Variants in ZDHHC1 observed in about 807,000 individuals in gnomAD.
ZDHHC1 encodes zDHHC palmitoyltransferase 1.
In ZDHHC1, 45 loss-of-function variants were observed where a neutral mutation model predicts 46.9. The ratio of observed to expected loss-of-function variants is 0.96; its 90% CI spans 0.76 to 1.23. ZDHHC1 has a LOEUF of 1.23. Among genes scored for constraint, ZDHHC1 ranks in the 50% most tolerant of loss-of-function variants. The pLI is 0.00. For missense variants in ZDHHC1, 649 were observed against 670.8 expected (o/e 0.97, Z 0.36); for synonymous variants, 291 against 286.0 (o/e 1.02, Z -0.18).
Position 67,401,236 on chromosome 16 carries a change from C to A in ZDHHC1, c.253-104G>T. 1 of 1,470,154 alleles carries A rather than the reference C, an allele frequency of 6.8e-7. No homozygotes were observed. The highest frequency in any genetic ancestry group is 9.1e-7 in the Non-Finnish European group (1 of 1,098,306). 91.1% of individuals were successfully genotyped at this position (1,470,154 alleles called of 1,614,324 possible). On this transcript the variant is annotated intron_variant, in intron 3 of 11. Transcript: ENST00000565726. This position sits in a 1 kb window ranked among gnomAD's most constrained non-coding sequence, Gnocchi z 4.6. ...CACTGCCATGCCAGCCCGCTTTGTG[C>A]AGATTCTCTGCCTCTGCCACCTCCT...
Position 67,401,976 on chromosome 16 carries a change from C to T in ZDHHC1, c.253-844G>A, listed in dbSNP as rs12446024. Among the ~76,000 whole-genome samples the T allele has an allele frequency of 1.5e-3, 232 of 152,338 alleles. 1 individual carries two copies. Among genetic ancestry groups the T allele is most frequent in the African/African-American group, 5.5e-3 (227 of 41,584 alleles). On this transcript the variant is annotated intron_variant, in intron 3 of 11. Coordinates refer to ENST00000565726, the MANE Select transcript of ZDHHC1 (RefSeq NM_001323627.2). This position sits in a 1 kb window ranked among gnomAD's most constrained non-coding sequence, Gnocchi z 4.6. ...CTTGCTAGCCAGGCAGACATCATCC[C>T]TCCATCATTCATGCTCTACCCATCA...
At chr16:67,395,718 TG>T (rs2040418730) in intron 8 of ZDHHC1, 152 bp from the exon 9 acceptor site, 1 of 756,606 alleles carries the variant, frequency 1.3e-6, no homozygotes, top group African/African-American at 1.7e-5. Context: ...AAACCCCATC[TG>T]TAGGGTAAGG....
chr16:67,399,605 T>C, intron 4 of ZDHHC1, 149 bp from the exon 5 acceptor site: 1 of 596,866 alleles, frequency 1.7e-6, no homozygotes, highest in South Asian at 2.4e-5. Context: ...GCGCGCGCCC[T>C]CTGCAGGCGC....
chr16:67,409,799 A>G (rs1320752817), intron 1 of ZDHHC1, among the ~76,000 whole-genome samples: 1 of 152,170 alleles, frequency 6.6e-6, no homozygotes, highest in Non-Finnish European at 1.5e-5. Flanking sequence ...GTCAGCACTT[A>G]TCGGAGCCCA....
At position 67,401,100 on chromosome 16, in the gene ZDHHC1, C is replaced by A; in HGVS notation, c.285G>T (p.Val95=). Residue 95 remains valine (V), a synonymous_variant, in exon 4 of 12, where the codon GTG becomes GTT. Coordinates refer to ENST00000565726, the MANE Select transcript of ZDHHC1 (RefSeq NM_001323627.2). The surrounding 1 kb of genome is among the most constrained non-coding windows in gnomAD (Gnocchi z 4.6). ...CMGAIFAGHL[V]VHLTAVSIDP... is the part of the protein sequence containing the mutation. ...CGATGGAGACGGCGGTCAGGTGCAC[C>A]ACAAGGTGGCCAGCAAAGATGGCGC... The A allele has an allele frequency of 6.2e-7, 1 of 1,614,070 alleles. No individual in the cohort carries two copies. Among genetic ancestry groups the A allele is most frequent in the Non-Finnish European group, 8.5e-7 (1 of 1,180,024 alleles).
At chr16:67,410,224 C>A (rs918955743) in intron 1 of ZDHHC1, among the ~76,000 whole-genome samples, 5 of 152,166 alleles carry the variant, frequency 3.3e-5, no homozygotes, top group African/African-American at 1.2e-4. Context: ...AGCGGCACCA[C>A]AGTGGCCCAG....
chr16:67,414,405 G>A (rs1020443079), intron 1 of ZDHHC1, among the ~76,000 whole-genome samples: 3 of 152,026 alleles, frequency 2.0e-5, no homozygotes, highest in East Asian at 1.9e-4. Context: ...CCCCTCACCC[G>A]TGTCTGAACC....
rs912025145 is a variant in ZDHHC1, at chr16:67,416,427, C to T, written c.-295G>A. 2.1e-5 allele frequency: 4 copies of T among 193,716 alleles called. No homozygotes were observed. The highest frequency in any genetic ancestry group is 2.3e-3 in the Middle Eastern group (1 of 430). 12.0% of individuals were successfully genotyped at this position (193,716 alleles called of 1,614,324 possible). A position where few individuals can be genotyped will look rare whatever the true frequency, so the allele number is the denominator to read the frequency against. On this transcript the variant is annotated 5_prime_UTR_variant, in exon 1 of 12. Transcript: ENST00000565726. ...CGGCTCCGGCTCCGGCTCCAGCAGGCTGGAGGGGCGGCCAGGCCAGACCCA... is the reference window on the plus strand; with the variant it reads ...CGGCTCCGGCTCCGGCTCCAGCAGGTTGGAGGGGCGGCCAGGCCAGACCCA...
intron 3 of ZDHHC1, chr16:67,404,619 CCT>C (rs917615779): frequency 8.9e-6 from 4 of 449,168 alleles, no homozygotes; most frequent in African/African-American, 6.0e-5. Context: ...TCAACCCGCC[CCT>C]CTCAGGACAG....
intron 1 of ZDHHC1, among the ~76,000 whole-genome samples, chr16:67,410,520 G>C (rs2040733215): frequency 6.6e-6 from 1 of 152,134 alleles, no homozygotes; most frequent in South Asian, 2.1e-4. Context: ...GGCTGTGGAG[G>C]CCCCTCCCTT....
chr16:67,399,053 A>T, intron 5 of ZDHHC1, 109 bp from the exon 6 acceptor site: 4 of 1,411,558 alleles, frequency 2.8e-6, no homozygotes, highest in Non-Finnish European at 3.8e-6. Context: ...GCTGAGGGTG[A>T]CCCCACAGCC....
Position 67,395,534 on chromosome 16 carries a change from A to G in ZDHHC1, c.960T>C (p.His320=), listed in dbSNP as rs2040413960. ...CCTGGCCAGGGGGCTCTGGGCGCAT[A>G]TGTCTGAAGGTCCGCATGTAGAACT... ...EMEFYMRTFR[H]MRPEPPGQAG... Residue 320 remains histidine, a synonymous_variant, in exon 9 of 12, where the codon CAT becomes CAC. Coordinates refer to ENST00000565726, the MANE Select transcript of ZDHHC1 (RefSeq NM_001323627.2). 9 of 1,555,146 alleles carry G rather than the reference A, an allele frequency of 5.8e-6. No individual in the cohort carries two copies. In the East Asian group the frequency reaches 7.2e-5, roughly 12 times the overall value.
chr16:67,399,419 A>G lies in ZDHHC1; in HGVS notation c.466T>C (p.Cys156Arg), dbSNP rs760440627. The change falls in exon 5 of 12, where the codon TGC becomes CGC. Residue 156 changes from cysteine (C) to arginine (R), a missense_variant. Transcript: ENST00000565726. ...RSKHCSACNK[C>R]VCGFDHHCKW... ...CAGTGGTGGTCGAAACCGCACACGCACTTGTTGCAGGCGCTGCAGTGCTTG... is the reference window on the plus strand; with the variant it reads ...CAGTGGTGGTCGAAACCGCACACGCGCTTGTTGCAGGCGCTGCAGTGCTTG... 2 of 1,613,314 alleles carry G rather than the reference A, an allele frequency of 1.2e-6. No homozygotes were observed. Among genetic ancestry groups the G allele is most frequent in the Non-Finnish European group, 1.7e-6 (2 of 1,179,826 alleles).
rs1388551670 is a variant in ZDHHC1, at chr16:67,395,501, T to G, written c.993A>C (p.Pro331=). Residue 331 remains proline, a synonymous_variant, in exon 9 of 12, where the codon CCA becomes CCC. Transcript: ENST00000565726. The part of the protein sequence containing the change: ...MRPEPPGQAG[P]AAVNANPSQF... ...GCACTCACTTGGCATTCACTGCTGC[T>G]GGCCCGGCCTGGCCAGGGGGCTCTG... 1 of 1,554,268 alleles carries G rather than the reference T, an allele frequency of 6.4e-7. No homozygotes were observed. The highest frequency in any genetic ancestry group is 8.7e-7 in the Non-Finnish European group (1 of 1,148,280).
At chr16:67,402,614 G>T (rs2040573157) in intron 3 of ZDHHC1, among the ~76,000 whole-genome samples, 1 of 151,576 alleles carries the variant, frequency 6.6e-6, no homozygotes, top group Non-Finnish European at 1.5e-5. Flanking sequence ...ACTGCAGTCT[G>T]GTGGAAAACA....
intron 1 of ZDHHC1, among the ~76,000 whole-genome samples, chr16:67,414,962 C>G (rs1003148886): frequency 6.6e-5 from 10 of 152,106 alleles, no homozygotes; most frequent in African/African-American, 2.4e-4. Flanking sequence ...CATGTTGAAA[C>G]CCCGTTTCTA....
intron 1 of ZDHHC1, among the ~76,000 whole-genome samples, chr16:67,411,388 T>G (rs888625034): frequency 2.0e-5 from 3 of 152,168 alleles, no homozygotes; most frequent in African/African-American, 7.2e-5. Flanking sequence ...GGAAGAGGGC[T>G]GAGCCTGGAG....
chr16:67,397,077 T>C lies in ZDHHC1; in HGVS notation c.927+1135A>G, dbSNP rs547232808. Among the ~76,000 whole-genome samples, 6 of 152,320 alleles carry C rather than the reference T, an allele frequency of 3.9e-5. 1 individual carries two copies. The highest frequency in any genetic ancestry group is 1.4e-4 in the African/African-American group (6 of 41,572). On this transcript the variant is annotated intron_variant, in intron 8 of 11. Coordinates refer to ENST00000565726, the MANE Select transcript of ZDHHC1 (RefSeq NM_001323627.2). ...GGCCCTCAGCCTCAGCTCTCTGCTT[T>C]GTAAAAGAGGACAAGAACACCACTC... is the stretch of plus-strand genomic sequence containing the variant.
At position 67,394,884 on chromosome 16, in the gene ZDHHC1, G is replaced by A; in HGVS notation, c.1175C>T (p.Ala392Val). The change falls in exon 12 of 12, where the codon GCC becomes GTC. Residue 392 changes from alanine (A) to valine (V), a missense_variant. Ala to Val is a moderately conservative substitution (Grantham distance 64). Coordinates refer to ENST00000565726, the MANE Select transcript of ZDHHC1 (RefSeq NM_001323627.2). ...CGACGAGCTGGAGCGGCGGCTGGGG[G>A]CCCTAGGCCCTGCGCAAGGGAAGGG... The part of the protein sequence containing the change: ...ETSDPASGPR[A>V]PSRRSSSSTD... The A allele has an allele frequency of 6.4e-7, 1 of 1,560,942 alleles. No individual in the cohort carries two copies. Among genetic ancestry groups the A allele is most frequent in the Middle Eastern group, 1.7e-4 (1 of 5,922 alleles).
Sources: allele counts gnomAD v4.1 joint callset (sites outside exome capture counted in the v4.1 genomes callset), GRCh38; gene constraint gnomAD v4.1.1; non-coding constraint Gnocchi (gnomAD v3.1); transcripts MANE v1.5; gene names NCBI Gene and HGNC (gene_info 2026-07-23, HGNC 2026-07-21).